Variants in CCSER1 observed in about 807,000 individuals in gnomAD.
CCSER1 encodes the protein serine-rich coiled-coil domain-containing protein 1.
CCSER1 carries 41 observed loss-of-function variants against 82.0 expected under a neutral mutation model. The ratio of observed to expected loss-of-function variants is 0.50; its 90% CI spans 0.39 to 0.65. CCSER1 has a LOEUF of 0.65. CCSER1 is among the 30% of genes least tolerant of loss of function. The pLI is 0.00. For missense variants in CCSER1, 1,119 were observed against 1,064.2 expected (o/e 1.05, Z -0.72); for synonymous variants, 414 against 383.9 (o/e 1.08, Z -0.92).
intron 10 of CCSER1, among the ~76,000 whole-genome samples, chr4:91,401,802 A>T (rs1243246893): frequency 1.3e-5 from 2 of 152,076 alleles, no homozygotes; most frequent in Admixed American, 6.6e-5. Context: ...TCTATCATTG[A>T]TGGACATTTG....
chr4:91,220,579 T>C (rs893316633), intron 10 of CCSER1, among the ~76,000 whole-genome samples: 24 of 152,190 alleles, frequency 1.6e-4, no homozygotes, highest in Non-Finnish European at 3.2e-4. Flanking sequence ...AATTGGTACA[T>C]GGAATTTTCT....
In CCSER1 at chr4:90,309,397, T is replaced by C; in HGVS notation, c.1113T>C (p.Ser371=). The change falls in exon 2 of 11, where the codon AGT becomes AGC. Residue 371 remains serine (S), a synonymous_variant. Coordinates refer to ENST00000509176, the MANE Select transcript of CCSER1 (RefSeq NM_001145065.2). ...CAGAGAGTAACCTACCAGCAGATAG[T>C]GAAAGAGAAGAAAATATAGGGTTAC... The part of the protein sequence containing the change: ...SHSESNLPAD[S]EREENIGLQN... 1 of 1,613,756 alleles carries C rather than the reference T, an allele frequency of 6.2e-7. No individual in the cohort carries two copies. Among genetic ancestry groups the C allele is most frequent in the Non-Finnish European group, 8.5e-7 (1 of 1,179,786 alleles).
At chr4:90,656,042 C>G (rs1579752059) in intron 6 of CCSER1, among the ~76,000 whole-genome samples, 2 of 152,038 alleles carry the variant, frequency 1.3e-5, no homozygotes, top group African/African-American at 4.8e-5. Flanking sequence ...TCTACCCTTA[C>G]ATTGTTTTGA....
intron 9 of CCSER1, among the ~76,000 whole-genome samples, chr4:91,010,519 G>A (rs569210548): frequency 2.6e-5 from 3 of 114,702 alleles, no homozygotes; most frequent in Non-Finnish European, 4.3e-5. Flanking sequence ...CATTTTTGAC[G>A]CTTTCCTTTC....
intron 10 of CCSER1, among the ~76,000 whole-genome samples, chr4:91,110,249 G>A (rs1725982941): frequency 6.6e-6 from 1 of 151,880 alleles, no homozygotes; most frequent in Non-Finnish European, 1.5e-5. Flanking sequence ...GCAATGTGAT[G>A]TTGAACAAGT....
At chr4:91,181,943 A>T (rs181522901) in intron 10 of CCSER1, among the ~76,000 whole-genome samples, 12 of 152,282 alleles carry the variant, frequency 7.9e-5, no homozygotes, top group Admixed American at 7.2e-4. Context: ...CGATAAGTAT[A>T]ATTGTTCTCT....
intron 10 of CCSER1, among the ~76,000 whole-genome samples, chr4:91,567,381 T>TA (rs1762941161): frequency 6.6e-6 from 1 of 152,130 alleles, no homozygotes; most frequent in Admixed American, 6.6e-5. Flanking sequence ...GAGAGTTATG[T>TA]AAAGGTCTAT....
chr4:90,400,482 T>A (rs1752669719), intron 4 of CCSER1, among the ~76,000 whole-genome samples: 1 of 152,178 alleles, frequency 6.6e-6, no homozygotes, highest in Non-Finnish European at 1.5e-5. Context: ...TTCATTTATT[T>A]TATATAACCA....
At chr4:90,748,940 C>G (rs938464755) in intron 7 of CCSER1, among the ~76,000 whole-genome samples, 67 of 150,538 alleles carry the variant, frequency 4.5e-4, no homozygotes, top group African/African-American at 1.5e-3. Flanking sequence ...GATATTAGCC[C>G]TTTGTCAGAT....
intron 1 of CCSER1, among the ~76,000 whole-genome samples, chr4:90,142,748 A>G (rs1161248024): frequency 2.0e-5 from 3 of 151,222 alleles, no homozygotes; most frequent in Non-Finnish European, 4.4e-5. Context: ...AAATTTATGT[A>G]TTCTCTGTAT....
At chr4:90,937,300 A>G (rs1731058636) in intron 9 of CCSER1, among the ~76,000 whole-genome samples, 1 of 152,146 alleles carries the variant, frequency 6.6e-6, no homozygotes, top group Non-Finnish European at 1.5e-5. Context: ...GGTGACAGGG[A>G]AAATCATACT....
intron 10 of CCSER1, among the ~76,000 whole-genome samples, chr4:91,238,413 C>T (rs1482274936): frequency 6.6e-6 from 1 of 152,148 alleles, no homozygotes; most frequent in African/African-American, 2.4e-5. Context: ...ATGCACTTGG[C>T]TGATATTTTG....
chr4:91,009,092 G>T lies in CCSER1; in HGVS notation c.2173-76858G>T, dbSNP rs532032887. On this transcript the variant is annotated intron_variant, in intron 9 of 10. Coordinates refer to ENST00000509176, the MANE Select transcript of CCSER1 (RefSeq NM_001145065.2). The stretch of plus-strand genomic sequence containing the variant: ...GTGGACACCCTGGGACAACCTGCCA[G>T]ATCTGGAGGGATGGAAGTCAGGGGC... 2.6e-5 allele frequency among the ~76,000 whole-genome samples: 4 copies of T among 152,320 alleles called. No homozygotes were observed. The South Asian group carries it at 8.3e-4, about 32-fold the overall frequency.
intron 9 of CCSER1, among the ~76,000 whole-genome samples, chr4:91,082,331 T>C (rs1012449558): frequency 6.6e-6 from 1 of 152,218 alleles, no homozygotes; most frequent in Admixed American, 6.5e-5. Context: ...ATTTAATAAA[T>C]GCTTCTGGGA....
intron 5 of CCSER1, among the ~76,000 whole-genome samples, chr4:90,608,521 A>G (rs1785029294): frequency 6.6e-6 from 1 of 152,198 alleles, no homozygotes; most frequent in African/African-American, 2.4e-5. Context: ...GCTCAAAGGG[A>G]GGAGAATATA....
intron 10 of CCSER1, among the ~76,000 whole-genome samples, chr4:91,157,516 C>A (rs1329628601): frequency 1.3e-5 from 2 of 151,778 alleles, no homozygotes; most frequent in African/African-American, 4.8e-5. Context: ...ATGATACTTT[C>A]TTTTTGTACT....
intron 3 of CCSER1, among the ~76,000 whole-genome samples, chr4:90,334,725 A>G (rs544710226): frequency 6.6e-6 from 1 of 152,294 alleles, no homozygotes; most frequent in East Asian, 1.9e-4. Context: ...ATTAGGGAGA[A>G]TGGCAATAAT....
intron 5 of CCSER1, among the ~76,000 whole-genome samples, chr4:90,543,315 A>G (rs1776330534): frequency 6.6e-6 from 1 of 152,172 alleles, no homozygotes. Context: ...TTTCACTGCC[A>G]GGTGCAATTT....
intron 9 of CCSER1, among the ~76,000 whole-genome samples, chr4:91,023,515 C>T (rs1268443055): frequency 6.6e-6 from 1 of 152,126 alleles, no homozygotes; most frequent in Non-Finnish European, 1.5e-5. Context: ...TATCTACAAC[C>T]ATCTGATCTT....
Sources: allele counts gnomAD v4.1 joint callset (sites outside exome capture counted in the v4.1 genomes callset), GRCh38; gene constraint gnomAD v4.1.1; transcripts MANE v1.5; gene names NCBI Gene and HGNC (gene_info 2026-07-23, HGNC 2026-07-21).